Variants in ENGASE observed in about 807,000 individuals in gnomAD.
ENGASE encodes cytosolic endo-beta-N-acetylglucosaminidase.
ENGASE carries 69 observed loss-of-function variants against 78.5 expected under a neutral mutation model. That is an observed-to-expected ratio of 0.88 (90% CI 0.72 to 1.07). The LOEUF (loss-of-function observed/expected upper bound fraction) is 1.07, where lower values mean the gene tolerates loss of function less well. Ranked by LOEUF, ENGASE falls within the 50% of genes least tolerant of loss-of-function variation. The pLI is 0.00. For missense variants in ENGASE, 943 were observed against 988.4 expected (o/e 0.95, Z 0.62); for synonymous variants, 408 against 408.9 (o/e 1.00, Z 0.03).
In ENGASE at chr17:79,087,701, A is replaced by C. The variant is rs1019346027; in HGVS notation, c.*1352A>C. ...GAGGGCTGGGATGCTCTGTGACCCC[A>C]GCTGGAGCCCACACCTAAGGGCTGG... On this transcript the variant is annotated 3_prime_UTR_variant, in exon 14 of 14. Coordinates refer to ENST00000579016, the MANE Select transcript of ENGASE (RefSeq NM_001042573.3). 1.3e-5 allele frequency: 2 copies of C among 152,146 alleles called. No homozygotes were observed. The highest frequency in any genetic ancestry group is 4.8e-5 in the African/African-American group (2 of 41,342). The allele number at this position is 152,146 out of a possible 1,614,324, so 9.4% of individuals were successfully genotyped here. A position where few individuals can be genotyped will look rare whatever the true frequency, so the allele number is the denominator to read the frequency against.
At chr17:79,078,929 G>C (rs62063822) in intron 3 of ENGASE, among the ~76,000 whole-genome samples, 9,068 of 152,232 alleles carry the variant, frequency 0.06, 335 homozygotes, top group Middle Eastern at 0.092. Context: ...TGGCTCACAG[G>C]GGGTAGCAGT....
In ENGASE at chr17:79,086,044, C is replaced by T; in HGVS notation, c.1927C>T (p.Leu643Phe). The change falls in exon 14 of 14, where the codon CTC becomes TTC. Residue 643 changes from leucine (L) to phenylalanine (F), a missense_variant. Transcript: ENST00000579016. Reference sequence around the variant, plus strand: ...TGAGCGGGAGGGGCCCCCTGCTCTGCTCCAGCTCAGCTGCACCCTGCACTG... The same window carrying T: ...TGAGCGGGAGGGGCCCCCTGCTCTGTTCCAGCTCAGCTGCACCCTGCACTG... ...ASEREGPPAL[L>F]QLSCTLHWSF... 1 of 1,613,296 alleles carries T rather than the reference C, an allele frequency of 6.2e-7. No individual in the cohort carries two copies. The highest frequency in any genetic ancestry group is 8.5e-7 in the Non-Finnish European group (1 of 1,180,036).
In ENGASE at chr17:79,085,989, C is replaced by G. The variant is rs201810900; in HGVS notation, c.1872C>G (p.Ile624Met). ...APLPQVQAVT[I>M]SHIRWQPSAS... ...TGCCCCAGGTGCAGGCCGTCACCAT[C>G]TCTCACATCCGCTGGCAGCCATCCG... The change falls in exon 14 of 14, where the codon ATC (isoleucine) becomes ATG (methionine). Residue 624 changes from isoleucine to methionine, a missense_variant. Coordinates refer to ENST00000579016, the MANE Select transcript of ENGASE (RefSeq NM_001042573.3). 26 of 1,609,808 alleles carry G rather than the reference C, an allele frequency of 1.6e-5. No homozygotes were observed. In the African/African-American group the frequency reaches 2.7e-4, roughly 16 times the overall value.
rs1004950862 is a variant in ENGASE, at chr17:79,087,211, C to A, written c.*862C>A. The A allele has an allele frequency of 1.1e-5, 4 of 363,414 alleles. No individual in the cohort carries two copies. The highest frequency in any genetic ancestry group is 8.5e-5 in the African/African-American group (4 of 47,270). 22.5% of individuals were successfully genotyped at this position (363,414 alleles called of 1,614,324 possible). ...CAGTCCAGGCAGGAAGCAGCACCTG[C>A]CCCCCGCGCCAGCCCAGCCCCAGCC... On this transcript the variant is annotated 3_prime_UTR_variant, in exon 14 of 14. Coordinates refer to ENST00000579016, the MANE Select transcript of ENGASE (RefSeq NM_001042573.3).
At chr17:79,079,813 T>A (rs1488971172) in intron 4 of ENGASE, among the ~76,000 whole-genome samples, 176 bp downstream of exon 4, 1 of 152,218 alleles carries the variant, frequency 6.6e-6, no homozygotes, top group African/African-American at 2.4e-5. Flanking sequence ...AAGGACCAGA[T>A]AGTATTTTCA....
Position 79,086,527 on chromosome 17 carries a change from A to G in ENGASE, c.*178A>G, listed in dbSNP as rs1347000293. The stretch of plus-strand genomic sequence containing the variant: ...GGCTTTCTGGTGGGGGGCGATGGAA[A>G]CAGGAAACCAAGCAGTGGGATCGCA... On this transcript the variant is annotated 3_prime_UTR_variant, in exon 14 of 14. Coordinates refer to ENST00000579016, the MANE Select transcript of ENGASE (RefSeq NM_001042573.3). 4.2e-6 allele frequency: 3 copies of G among 715,834 alleles called. No individual in the cohort carries two copies. In the African/African-American group the frequency reaches 5.4e-5, roughly 13 times the overall value. 44.3% of individuals were successfully genotyped at this position (715,834 alleles called of 1,614,324 possible).
chr17:79,083,433 G>C lies in ENGASE; in HGVS notation c.1143-49G>C. 1 of 1,437,902 alleles carries C rather than the reference G, an allele frequency of 7.0e-7. No individual in the cohort carries two copies. Among genetic ancestry groups the C allele is most frequent in the East Asian group, 2.3e-5 (1 of 43,234 alleles). 89.1% of individuals were successfully genotyped at this position (1,437,902 alleles called of 1,614,324 possible). A position where few individuals can be genotyped will look rare whatever the true frequency, so the allele number is the denominator to read the frequency against. ...CAGCAAGTTTGAGGGACACTGAGAG[G>C]CTCCCTCCCTTCCTCCGGACCGAGC... On this transcript the variant is annotated intron_variant, in intron 8 of 13. Transcript: ENST00000579016. This position sits in a 1 kb window ranked among gnomAD's most constrained non-coding sequence, Gnocchi z 4.9.
At position 79,087,605 on chromosome 17, in the gene ENGASE, G is replaced by C. The variant is rs533898083; in HGVS notation, c.*1256G>C. ...CAGTGGCCTGAAGTCCCTCGCTTTT[G>C]GGGGGGGGGTCTCTCACCCCCAGGC... On this transcript the variant is annotated 3_prime_UTR_variant, in exon 14 of 14. Transcript: ENST00000579016. 15 of 101,216 alleles carry C rather than the reference G, an allele frequency of 1.5e-4. No individual in the cohort carries two copies. Among genetic ancestry groups the C allele is most frequent in the African/African-American group, 5.7e-4 (14 of 24,612 alleles). 6.3% of individuals were successfully genotyped at this position (101,216 alleles called of 1,614,324 possible).
intron 12 of ENGASE, 106 bp from the exon 13 acceptor site, chr17:79,085,514 G>T: frequency 6.7e-7 from 1 of 1,501,888 alleles, no homozygotes; most frequent in Admixed American, 2.0e-5. Context: ...GGTCCCCCAT[G>T]ACCCTGGGAT....
At position 79,083,130 on chromosome 17, in the gene ENGASE, C is replaced by T; in HGVS notation, c.1142+7C>T. The T allele has an allele frequency of 1.3e-6, 2 of 1,598,520 alleles. No individual in the cohort carries two copies. Among genetic ancestry groups the T allele is most frequent in the East Asian group, 2.2e-5 (1 of 44,756 alleles). ...TCTTCCAGAACCAGGACAAGTGAGT[C>T]CTGCTGTCCTGGGTGCTTAGTGCAG... On this transcript the variant is annotated splice_region_variant and intron_variant, in intron 8 of 13. Coordinates refer to ENST00000579016, the MANE Select transcript of ENGASE (RefSeq NM_001042573.3). The surrounding 1 kb of genome is among the most constrained non-coding windows in gnomAD (Gnocchi z 4.9).
chr17:79,083,005 CCTCT>C lies in ENGASE; in HGVS notation c.1039-14_1039-11del, dbSNP rs766058419. ...CTGGTCCTGATGTGCCCAGCGTCTC[CCTCT>C]GTCTCTTCAGTCGTTGGAGCTGATC... On this transcript the variant is annotated splice_polypyrimidine_tract_variant and intron_variant, in intron 7 of 13. Coordinates refer to ENST00000579016, the MANE Select transcript of ENGASE (RefSeq NM_001042573.3). This position sits in a 1 kb window ranked among gnomAD's most constrained non-coding sequence, Gnocchi z 4.9. The C allele has an allele frequency of 4.3e-6, 7 of 1,612,576 alleles. No individual in the cohort carries two copies. In the Admixed American group the frequency reaches 5.0e-5, roughly 12 times the overall value.
intron 10 of ENGASE, 53 bp downstream of exon 10, chr17:79,084,004 G>A: frequency 2.0e-6 from 3 of 1,511,190 alleles, no homozygotes; most frequent in Non-Finnish European, 2.7e-6. Flanking sequence ...ATCACACGTG[G>A]TGGCCATGGA....
chr17:79,080,134 C>A, intron 4 of ENGASE, 73 bp from the exon 5 acceptor site: 1 of 1,513,088 alleles, frequency 6.6e-7, no homozygotes, highest in African/African-American at 1.4e-5. Context: ...GGTTCGAGAA[C>A]CTCGCTTTGA....
rs201772444 is a variant in ENGASE at position 79,077,462 on chromosome 17, G to A, written c.179G>A (p.Arg60Gln). ...GATGAAGAAGAAGAGACAGTCTTTC[G>A]AGAGGTGGTCAGTTTTTCCCCGGAC... The part of the protein sequence containing the change: ...IKDEEEETVF[R>Q]EVVSFSPDPL... The change falls in exon 2 of 14, where the codon CGA becomes CAA. Residue 60 changes from arginine to glutamine, a missense_variant. Coordinates refer to ENST00000579016, the MANE Select transcript of ENGASE (RefSeq NM_001042573.3). 34 of 1,577,748 alleles carry A rather than the reference G, an allele frequency of 2.2e-5. No homozygotes were observed. In the African/African-American group the frequency reaches 2.9e-4, roughly 13 times the overall value.
At position 79,075,242 on chromosome 17, in the gene ENGASE, C is replaced by G. The variant is rs999042343; in HGVS notation, c.146+152C>G. On this transcript the variant is annotated intron_variant, in intron 1 of 13. Coordinates refer to ENST00000579016, the MANE Select transcript of ENGASE (RefSeq NM_001042573.3). Reference sequence around the variant, plus strand: ...CAGTAAGGGACAGAGGGTGGCAGCGCCCCTCCGCCCCGGTCCGCCCCGCCG... The same window carrying G: ...CAGTAAGGGACAGAGGGTGGCAGCGGCCCTCCGCCCCGGTCCGCCCCGCCG... 3.1e-6 allele frequency: 3 copies of G among 955,958 alleles called. No individual in the cohort carries two copies. The African/African-American group carries it at 5.2e-5, about 16-fold the overall frequency. The allele number at this position is 955,958 out of a possible 1,614,324, so 59.2% of individuals were successfully genotyped here. A position where few individuals can be genotyped will look rare whatever the true frequency, so the allele number is the denominator to read the frequency against.
Position 79,086,340 on chromosome 17 carries a change from C to A in ENGASE, c.2223C>A (p.Ala741=). The A allele has an allele frequency of 6.2e-6, 10 of 1,611,270 alleles. No individual in the cohort carries two copies. Among genetic ancestry groups the A allele is most frequent in the Non-Finnish European group, 8.5e-6 (10 of 1,178,722 alleles). Residue 741 remains alanine, a synonymous_variant, in exon 14 of 14, where the codon GCC becomes GCA. Coordinates refer to ENST00000579016, the MANE Select transcript of ENGASE (RefSeq NM_001042573.3). Reference sequence around the variant, plus strand: ...GCAGGGCAGTTCTGCTTTATTCAGCCCCTGCATGAGCGGATGCTAAGGCCG... The same window carrying A: ...GCAGGGCAGTTCTGCTTTATTCAGCACCTGCATGAGCGGATGCTAAGGCCG... The part of the protein sequence containing the change: ...EWGRAVLLYS[A]PA
rs199818611 is a variant in ENGASE, at chr17:79,084,689, G to C, written c.1591+3G>C. On this transcript the variant is annotated splice_donor_region_variant and intron_variant, in intron 11 of 13. Coordinates refer to ENST00000579016, the MANE Select transcript of ENGASE (RefSeq NM_001042573.3). ...CGGTGGCATCTCAGTGTTGAACGGTGAGGTAATGGGGCCCAGGCCTGCCTC... is the reference window on the plus strand; with the variant it reads ...CGGTGGCATCTCAGTGTTGAACGGTCAGGTAATGGGGCCCAGGCCTGCCTC... 371 of 1,612,192 alleles carry C rather than the reference G, an allele frequency of 2.3e-4. 4 individuals are homozygous for C. The highest frequency in any genetic ancestry group is 1.7e-4 in the Middle Eastern group (1 of 6,056).
At chr17:79,075,644 T>TG in intron 1 of ENGASE, 1 of 971,448 alleles carries the variant, frequency 1.0e-6, no homozygotes, top group Non-Finnish European at 1.2e-6. Context: ...TTCCTTCCTT[T>TG]GGGGGGCACT....
intron 10 of ENGASE, 139 bp from the exon 11 acceptor site, chr17:79,084,399 G>C (rs1043666257): frequency 9.8e-6 from 8 of 815,208 alleles, no homozygotes; most frequent in Non-Finnish European, 1.5e-5. Context: ...CCCTGGCTAC[G>C]GACAGGACCA....
Sources: gnomAD v4.1 joint callset for allele counts (sites outside exome capture counted in the v4.1 genomes callset) on GRCh38, gnomAD v4.1.1 for gene constraint, Gnocchi (gnomAD v3.1) non-coding constraint, MANE v1.5 for transcripts, NCBI Gene and HGNC (gene_info 2026-07-23, HGNC 2026-07-21) for gene names.